Variants in SLCO3A1 observed in about 807,000 individuals in gnomAD.
The protein encoded by SLCO3A1 is PGE1 transporter.
In SLCO3A1, 27 loss-of-function variants were observed where a neutral mutation model predicts 63.1. That is an observed-to-expected ratio of 0.43 (90% CI 0.32 to 0.59). The LOEUF is 0.59. Ranked by LOEUF, SLCO3A1 falls within the 20% of genes least tolerant of loss-of-function variation. The pLI is 0.09. For missense variants in SLCO3A1, 773 were observed against 945.8 expected, an observed-to-expected ratio of 0.82 and a Z score of 2.40; for synonymous variants, 473 against 409.9, an observed-to-expected ratio of 1.15 and a Z score of -1.86.
chr15:91,887,319 A>G (rs1037507763), intron 1 of SLCO3A1, among the ~76,000 whole-genome samples: 17 of 152,104 alleles, frequency 1.1e-4, no homozygotes, highest in Non-Finnish European at 1.9e-4. Context: ...TTCCTGCCTG[A>G]GTTTTGATGT....
At chr15:91,901,392 A>T (rs1009987172) in intron 1 of SLCO3A1, among the ~76,000 whole-genome samples, 2 of 152,224 alleles carry the variant, frequency 1.3e-5, no homozygotes, top group African/African-American at 2.4e-5. Context: ...AAATACATTT[A>T]TATAGCTTTT....
At chr15:91,949,631 C>A (rs557641114) in intron 2 of SLCO3A1, among the ~76,000 whole-genome samples, 35 of 151,914 alleles carry the variant, frequency 2.3e-4, no homozygotes, top group Middle Eastern at 3.4e-3. Flanking sequence ...CTCTGTCCCC[C>A]CAAAAGAAGA....
At chr15:91,913,033 GT>G (rs1898533836) in intron 1 of SLCO3A1, among the ~76,000 whole-genome samples, 1 of 152,194 alleles carries the variant, frequency 6.6e-6, no homozygotes, top group Non-Finnish European at 1.5e-5. Flanking sequence ...AAATGAATTT[GT>G]TTTTACTTGC....
intron 2 of SLCO3A1, among the ~76,000 whole-genome samples, chr15:91,959,555 C>A (rs1005120423): frequency 1.1e-3 from 166 of 151,556 alleles, no homozygotes; most frequent in African/African-American, 4.0e-3. Flanking sequence ...CATGGTGAAA[C>A]CCCATCTCTC....
intron 2 of SLCO3A1, among the ~76,000 whole-genome samples, chr15:91,970,240 T>C (rs2151428171): frequency 6.6e-6 from 1 of 152,316 alleles, no homozygotes; most frequent in African/African-American, 2.4e-5. Context: ...AATATTTTAG[T>C]GTATTATTTA....
At chr15:92,045,006 A>G (rs538151672) in intron 2 of SLCO3A1, among the ~76,000 whole-genome samples, 10 of 152,240 alleles carry the variant, frequency 6.6e-5, no homozygotes, top group East Asian at 1.9e-4. Flanking sequence ...GAAATTAATA[A>G]TTAAAACATG....
At chr15:91,932,032 A>G (rs886089860) in intron 2 of SLCO3A1, among the ~76,000 whole-genome samples, 4 of 152,128 alleles carry the variant, frequency 2.6e-5, no homozygotes, top group African/African-American at 9.7e-5. Context: ...TTTGGCTGGT[A>G]GGAAGCTCCA....
intron 8 of SLCO3A1, among the ~76,000 whole-genome samples, chr15:92,147,374 G>A (rs780686461): frequency 1.3e-5 from 2 of 152,058 alleles, no homozygotes; most frequent in Non-Finnish European, 2.9e-5. Context: ...GGAGAAGACA[G>A]CACTTTCATG....
chr15:91,926,596 T>TGTGTGCGTGC lies in SLCO3A1; in HGVS notation c.646+10139_646+10140insTGTGCGTGCG. On this transcript the variant is annotated intron_variant, in intron 2 of 9. Coordinates refer to ENST00000318445, the MANE Select transcript of SLCO3A1 (RefSeq NM_013272.4). ...GTGTGTGTGTGTGTGTGTGTGTGTG[T>TGTGTGCGTGC]GCGCGCGCGCACGCCCATGCTTATT... Among the ~76,000 whole-genome samples, 37 of 105,256 alleles carry TGTGTGCGTGC rather than the reference T, an allele frequency of 3.5e-4. 1 individual carries two copies. The highest frequency in any genetic ancestry group is 1.7e-3 in the Admixed American group (19 of 11,394). 69.1% of individuals were successfully genotyped at this position (105,256 alleles called of 152,430 possible). A position where few individuals can be genotyped will look rare whatever the true frequency, so the allele number is the denominator to read the frequency against.
chr15:91,905,526 T>A (rs1320577998), intron 1 of SLCO3A1, among the ~76,000 whole-genome samples: 1 of 152,204 alleles, frequency 6.6e-6, no homozygotes, highest in South Asian at 2.1e-4. Context: ...TTATTTTTTT[T>A]ATTTTTTTCC....
In SLCO3A1 at chr15:91,968,582, A is replaced by G. The variant is rs772690681; in HGVS notation, c.646+52124A>G. Among the ~76,000 whole-genome samples, 1 of 152,178 alleles carries G rather than the reference A, an allele frequency of 6.6e-6. No individual in the cohort carries two copies. Among genetic ancestry groups the G allele is most frequent in the African/African-American group, 2.4e-5 (1 of 41,436 alleles). On this transcript the variant is annotated intron_variant, in intron 2 of 9. Transcript: ENST00000318445. The surrounding 1 kb of genome is among the most constrained non-coding windows in gnomAD (Gnocchi z 4.2). ...TTCTGGTGCTAACAAAGGAAGTTCC[A>G]TCACAGACAAGGAGTGAGAAGAAGC...
At chr15:92,142,617 C>T (rs537801118) in intron 7 of SLCO3A1, among the ~76,000 whole-genome samples, 2 of 152,314 alleles carry the variant, frequency 1.3e-5, no homozygotes, top group South Asian at 2.1e-4. Context: ...TCAAACCACG[C>T]ACTGCTACCC....
chr15:92,019,071 AG>A (rs1362518007), intron 2 of SLCO3A1, among the ~76,000 whole-genome samples: 2 of 144,314 alleles, frequency 1.4e-5, no homozygotes, highest in Non-Finnish European at 3.1e-5. Flanking sequence ...GCGTCCTGGG[AG>A]GGGCTGATGC....
intron 2 of SLCO3A1, among the ~76,000 whole-genome samples, chr15:91,986,255 G>T (rs2046051475): frequency 1.3e-5 from 2 of 152,194 alleles, no homozygotes; most frequent in Non-Finnish European, 2.9e-5. Flanking sequence ...GGGTCAGGGG[G>T]TAAAGAGCCT....
At chr15:92,138,162 G>A (rs1395288163) in intron 7 of SLCO3A1, among the ~76,000 whole-genome samples, 1 of 116,318 alleles carries the variant, frequency 8.6e-6, no homozygotes, top group South Asian at 2.5e-4. Context: ...TAAGGTGTAA[G>A]GAAGGGATCC....
At chr15:91,924,563 C>A (rs1002121910) in intron 2 of SLCO3A1, among the ~76,000 whole-genome samples, 1 of 152,150 alleles carries the variant, frequency 6.6e-6, no homozygotes, top group Non-Finnish European at 1.5e-5. Flanking sequence ...AGCTGTCGCA[C>A]ATTGTGAATG....
chr15:92,164,229 A>T lies in SLCO3A1; in HGVS notation c.*1094A>T. ...GCACCAAAAATATGTGATACAAGGG[A>T]TGCAATTAACCTATTGTAATTTTCA... is the stretch of plus-strand genomic sequence containing the variant. On this transcript the variant is annotated 3_prime_UTR_variant, in exon 10 of 10. Coordinates refer to ENST00000318445, the MANE Select transcript of SLCO3A1 (RefSeq NM_013272.4). 6.1e-6 allele frequency: 6 copies of T among 984,882 alleles called. No individual in the cohort carries two copies. Among genetic ancestry groups the T allele is most frequent in the Non-Finnish European group, 7.2e-6 (6 of 829,508 alleles). The allele number at this position is 984,882 out of a possible 1,614,324, so 61.0% of individuals were successfully genotyped here.
intron 2 of SLCO3A1, among the ~76,000 whole-genome samples, chr15:91,947,760 C>T (rs1363994950): frequency 3.3e-5 from 5 of 152,184 alleles, no homozygotes; most frequent in Admixed American, 2.0e-4. Context: ...CAGGTTGCTC[C>T]GATGGCCCCA....
chr15:92,046,422 T>C (rs890384988), intron 2 of SLCO3A1, among the ~76,000 whole-genome samples: 5 of 151,706 alleles, frequency 3.3e-5, no homozygotes, highest in Non-Finnish European at 5.9e-5. Flanking sequence ...CCCAGCTACT[T>C]GGGAGGCTGA....
Sources: gnomAD v4.1 joint callset for allele counts (sites outside exome capture counted in the v4.1 genomes callset) on GRCh38, gnomAD v4.1.1 for gene constraint, Gnocchi (gnomAD v3.1) non-coding constraint, MANE v1.5 for transcripts, NCBI Gene and HGNC (gene_info 2026-07-23, HGNC 2026-07-21) for gene names.